CNTNAP2: variants seen among roughly 807,000 people sequenced by gnomAD.
CNTNAP2 encodes the protein contactin-associated protein-like 2.
Under a neutral mutation model 155.2 loss-of-function variants are expected in CNTNAP2, and 98 were observed. The observed-to-expected ratio is 0.63, with a 90% confidence interval of 0.54 to 0.75. The LOEUF (loss-of-function observed/expected upper bound fraction) is 0.75, where lower values mean the gene tolerates loss of function less well. CNTNAP2 is among the 30% of genes least tolerant of loss of function. The pLI, the probability that CNTNAP2 is intolerant of heterozygous loss-of-function variation, is 0.00. For missense variants in CNTNAP2, 1,727 were observed against 1,688.1 expected, an observed-to-expected ratio of 1.02 and a Z score of -0.40; for synonymous variants, 651 against 631.2, an observed-to-expected ratio of 1.03 and a Z score of -0.47.
chr7:146,617,328 T>C (rs1261817649), intron 1 of CNTNAP2, among the ~76,000 whole-genome samples: 1 of 152,244 alleles, frequency 6.6e-6, no homozygotes, highest in African/African-American at 2.4e-5. Context: ...GATTCAAATG[T>C]GTTGGAACTG....
chr7:146,352,813 G>T (rs1337315378), intron 1 of CNTNAP2, among the ~76,000 whole-genome samples: 5 of 130,256 alleles, frequency 3.8e-5, no homozygotes, highest in East Asian at 4.8e-4. Context: ...GGAGTTCAGT[G>T]GTGCGATCTC....
intron 3 of CNTNAP2, among the ~76,000 whole-genome samples, chr7:146,943,696 G>T (rs558427843): frequency 1.3e-5 from 2 of 152,112 alleles, no homozygotes; most frequent in Non-Finnish European, 2.9e-5. Flanking sequence ...ACTTTTCTCT[G>T]CTTCTTGGGA....
chr7:147,706,139 A>G (rs1584910776), intron 13 of CNTNAP2, among the ~76,000 whole-genome samples: 1 of 137,868 alleles, frequency 7.3e-6, no homozygotes, highest in African/African-American at 2.7e-5. Flanking sequence ...TTTCTCTCCT[A>G]TTGTTTATTA....
chr7:147,822,957 T>TTG (rs1461047159), intron 13 of CNTNAP2, among the ~76,000 whole-genome samples: 1 of 152,238 alleles, frequency 6.6e-6, no homozygotes, highest in African/African-American at 2.4e-5. Flanking sequence ...TATCATTTTA[T>TTG]CAGAAGGAAA....
intron 1 of CNTNAP2, among the ~76,000 whole-genome samples, chr7:146,235,290 G>C (rs1799454412): frequency 6.7e-6 from 1 of 150,352 alleles, no homozygotes; most frequent in African/African-American, 2.5e-5. Flanking sequence ...TTCCTTTTCT[G>C]AGGTCCTTTA....
intron 20 of CNTNAP2, among the ~76,000 whole-genome samples, chr7:148,232,198 G>A (rs10230882): frequency 0.35 from 53,714 of 152,078 alleles, 9,656 homozygotes; most frequent in Non-Finnish European, 0.37. Context: ...TAGAGGTGGT[G>A]GAGGAAGACA....
intron 21 of CNTNAP2, among the ~76,000 whole-genome samples, chr7:148,355,165 G>GTTT (rs1563055120): frequency 3.6e-4 from 10 of 27,792 alleles, no homozygotes; most frequent in East Asian, 2.9e-3. Context: ...GCCGCCAGCT[G>GTTT]CTTTTTTTTT....
chr7:147,602,810 G>A (rs1355965506), intron 12 of CNTNAP2, among the ~76,000 whole-genome samples: 2 of 151,904 alleles, frequency 1.3e-5, no homozygotes, highest in African/African-American at 4.8e-5. Flanking sequence ...CCCTACAAAG[G>A]ACATGAACTC....
chr7:146,509,173 C>A (rs542664548), intron 1 of CNTNAP2, among the ~76,000 whole-genome samples: 14 of 152,318 alleles, frequency 9.2e-5, no homozygotes, highest in African/African-American at 3.4e-4. Flanking sequence ...GAATTACCTG[C>A]ACCACATCTG....
chr7:147,149,237 T>TA (rs1323147813), intron 8 of CNTNAP2, among the ~76,000 whole-genome samples: 1 of 152,176 alleles, frequency 6.6e-6, no homozygotes, highest in Non-Finnish European at 1.5e-5. Context: ...GGTGCATTTT[T>TA]ACAGAGTTCT....
chr7:148,373,458 AAAC>A (rs1419752047), intron 21 of CNTNAP2, among the ~76,000 whole-genome samples: 5 of 152,202 alleles, frequency 3.3e-5, no homozygotes, highest in African/African-American at 4.8e-5. Context: ...CAGTCTCAAA[AAAC>A]AACAACAACA....
At chr7:147,722,343 T>C (rs1355343548) in intron 13 of CNTNAP2, among the ~76,000 whole-genome samples, 3 of 152,164 alleles carry the variant, frequency 2.0e-5, no homozygotes, top group African/African-American at 7.2e-5. Context: ...AGACATTGCA[T>C]AAATCATTGT....
In CNTNAP2 at chr7:146,801,776, A is replaced by G. The variant is rs556962110; in HGVS notation, c.208+27395A>G. On this transcript the variant is annotated intron_variant, in intron 2 of 23. Transcript: ENST00000361727. Reference sequence around the variant, plus strand: ...GGTACAGATCAAATAAAAGTGAGAAAGCTCTTTTATTATACCAAATAGCAG... The same window carrying G: ...GGTACAGATCAAATAAAAGTGAGAAGGCTCTTTTATTATACCAAATAGCAG... Among the ~76,000 whole-genome samples the G allele has an allele frequency of 5.6e-4, 86 of 152,316 alleles. 3 individuals are homozygous for G. In the South Asian group the frequency reaches 0.015, roughly 27 times the overall value.
chr7:146,482,634 T>C (rs1170345071), intron 1 of CNTNAP2, among the ~76,000 whole-genome samples: 1 of 151,704 alleles, frequency 6.6e-6, no homozygotes, highest in Non-Finnish European at 1.5e-5. Flanking sequence ...TCCCAGCTAC[T>C]CGGGAGGTTG....
intron 11 of CNTNAP2, among the ~76,000 whole-genome samples, chr7:147,540,342 CATTTTTCAG>C (rs1439010820): frequency 6.6e-6 from 1 of 152,164 alleles, no homozygotes; most frequent in Non-Finnish European, 1.5e-5. Context: ...GCCTCCACTT[CATTTTTCAG>C]AATGCAGCTT....
At chr7:147,479,550 T>G (rs1165743785) in intron 10 of CNTNAP2, among the ~76,000 whole-genome samples, 1 of 152,182 alleles carries the variant, frequency 6.6e-6, no homozygotes, top group Non-Finnish European at 1.5e-5. Context: ...AAAAGACATT[T>G]TATTTACAAA....
At chr7:147,338,231 C>A (rs534787010) in intron 9 of CNTNAP2, among the ~76,000 whole-genome samples, 1 of 152,186 alleles carries the variant, frequency 6.6e-6, no homozygotes, top group East Asian at 1.9e-4. Flanking sequence ...GTGCTTATAA[C>A]CATCAGATCT....
At chr7:146,949,088 G>A (rs912100079) in intron 3 of CNTNAP2, among the ~76,000 whole-genome samples, 2 of 152,160 alleles carry the variant, frequency 1.3e-5, no homozygotes, top group Non-Finnish European at 2.9e-5. Context: ...TTAACCGACT[G>A]TGTAAGTGAG....
intron 1 of CNTNAP2, among the ~76,000 whole-genome samples, chr7:146,204,927 C>T (rs1243905778): frequency 1.3e-5 from 2 of 151,886 alleles, no homozygotes; most frequent in Non-Finnish European, 2.9e-5. Context: ...ATAAAATATA[C>T]TTCCCTAAAA....
Sources: allele counts gnomAD v4.1 joint callset (sites outside exome capture counted in the v4.1 genomes callset), GRCh38; gene constraint gnomAD v4.1.1; transcripts MANE v1.5; gene names NCBI Gene and HGNC (gene_info 2026-07-23, HGNC 2026-07-21).